Variants in IGF2BP3 observed in about 807,000 individuals in gnomAD.
IGF2BP3 encodes the protein insulin like growth factor 2 mRNA binding protein 3.
In IGF2BP3, 9 loss-of-function variants were observed where a neutral mutation model predicts 73.8. The observed-to-expected ratio is 0.12, with a 90% CI of 0.07 to 0.21. IGF2BP3 has a LOEUF of 0.21. Among genes scored for constraint, IGF2BP3 ranks in the 10% least tolerant of loss-of-function variants. The probability of loss-of-function intolerance (pLI) is 1.00; values close to 1 mark genes in which losing one functional copy is unlikely to be tolerated. For synonymous variants in IGF2BP3, 258 were observed against 256.7 expected (o/e 1.01, Z -0.05); for missense variants, 542 against 714.0 (o/e 0.76, Z 2.75).
Position 23,333,427 on chromosome 7 carries a change from G to A in IGF2BP3, c.1203+8637C>T, listed in dbSNP as rs955871104. 2.4e-4 allele frequency among the ~76,000 whole-genome samples: 36 copies of A among 152,184 alleles called. 1 individual carries two copies. The highest frequency in any genetic ancestry group is 2.4e-3 in the Admixed American group (36 of 15,282). On this transcript the variant is annotated intron_variant, in intron 10 of 14. Transcript: ENST00000258729. Reference sequence around the variant, plus strand: ...TGTCTTAGCCTGGAACACGTCCAAGGCTGCTGTTGTGAGAAACAAAAACAA... The same window carrying A: ...TGTCTTAGCCTGGAACACGTCCAAGACTGCTGTTGTGAGAAACAAAAACAA...
intron 3 of IGF2BP3, among the ~76,000 whole-genome samples, chr7:23,409,333 G>GT (rs1308215948): frequency 1.3e-5 from 2 of 152,074 alleles, no homozygotes; most frequent in Non-Finnish European, 2.9e-5. Flanking sequence ...TTCCAAAAGG[G>GT]TTTTTTTGTT....
intron 2 of IGF2BP3, among the ~76,000 whole-genome samples, chr7:23,422,971 C>T (rs1176534200): frequency 6.6e-6 from 1 of 152,182 alleles, no homozygotes; most frequent in Non-Finnish European, 1.5e-5. Flanking sequence ...GATAGAGTTT[C>T]ACCACGTTGG....
intron 3 of IGF2BP3, among the ~76,000 whole-genome samples, chr7:23,369,397 C>G (rs1241788867): frequency 6.6e-6 from 1 of 152,162 alleles, no homozygotes; most frequent in Admixed American, 6.5e-5. Context: ...ACCTCATTAC[C>G]CTCTGTCTAT....
At chr7:23,447,655 AC>A (rs1175748194) in intron 2 of IGF2BP3, among the ~76,000 whole-genome samples, 2 of 151,888 alleles carry the variant, frequency 1.3e-5, no homozygotes, top group Non-Finnish European at 2.9e-5. Context: ...AAAAATGAAG[AC>A]CAAGGAACTG....
In IGF2BP3 at chr7:23,414,091, A is replaced by C. The variant is rs1472855445; in HGVS notation, c.285+4685T>G. 3.9e-5 allele frequency: 6 copies of C among 152,126 alleles called. No homozygotes were observed. The East Asian group carries it at 1.2e-3, about 29-fold the overall frequency. 9.4% of individuals were successfully genotyped at this position (152,126 alleles called of 1,614,324 possible). On this transcript the variant is annotated intron_variant, in intron 3 of 14. Coordinates refer to ENST00000258729, the MANE Select transcript of IGF2BP3 (RefSeq NM_006547.3). ...CTTGAACCCAGGAGGCAGAGGCTGC[A>C]GTGAGCCGAGATTGTGCCACTGCAC...
intron 3 of IGF2BP3, among the ~76,000 whole-genome samples, chr7:23,393,409 GAACAAATGTC>G (rs1292373518): frequency 6.6e-6 from 1 of 152,116 alleles, no homozygotes; most frequent in African/African-American, 2.4e-5. Context: ...TCTATTCACT[GAACAAATGTC>G]AACAAATGTC....
Position 23,310,788 on chromosome 7 carries a change from G to A in IGF2BP3, c.*1574C>T, listed in dbSNP as rs1419319243. 6.8e-6 allele frequency: 1 copy of A among 147,630 alleles called. No individual in the cohort carries two copies. The highest frequency in any genetic ancestry group is 1.5e-5 in the Non-Finnish European group (1 of 67,888). The allele number at this position is 147,630 out of a possible 1,614,324, so 9.1% of individuals were successfully genotyped here. On this transcript the variant is annotated 3_prime_UTR_variant, in exon 15 of 15. Transcript: ENST00000258729. ...CATCTTGAAATAAGAATGAGGCAGT[G>A]ATTTTTTTTTTAAAGGGTTATATAT...
Position 23,379,879 on chromosome 7 carries a change from T to C in IGF2BP3, c.286-18138A>G, listed in dbSNP as rs371945393. 1.5e-4 allele frequency among the ~76,000 whole-genome samples: 23 copies of C among 152,302 alleles called. 1 individual carries two copies. The highest frequency in any genetic ancestry group is 9.2e-4 in the Admixed American group (14 of 15,290). ...AAAATATACATCCATGCACTGGCTA[T>C]ACACGGGGCAATTCCATGCATCTCT... On this transcript the variant is annotated intron_variant, in intron 3 of 14. Coordinates refer to ENST00000258729, the MANE Select transcript of IGF2BP3 (RefSeq NM_006547.3).
intron 14 of IGF2BP3, 104 bp downstream of exon 14, chr7:23,312,631 T>G (rs948739474): frequency 6.3e-6 from 6 of 955,258 alleles, no homozygotes; most frequent in South Asian, 1.4e-5. Flanking sequence ...ATGAAAAGTC[T>G]TAAGCATCAA....
In IGF2BP3 at chr7:23,469,025, G is replaced by A. The variant is rs1433256701; in HGVS notation, c.176-483C>T. Among the ~76,000 whole-genome samples the A allele has an allele frequency of 1.3e-5, 2 of 152,246 alleles. No homozygotes were observed. Among genetic ancestry groups the A allele is most frequent in the Non-Finnish European group, 1.5e-5 (1 of 68,040 alleles). Reference sequence around the variant, plus strand: ...GGAGTGGCGAGAAAGGGTCGGGGACGGCAGGGGAGACCACGAACGGGAGAA... The same window carrying A: ...GGAGTGGCGAGAAAGGGTCGGGGACAGCAGGGGAGACCACGAACGGGAGAA... On this transcript the variant is annotated intron_variant, in intron 1 of 14. Coordinates refer to ENST00000258729, the MANE Select transcript of IGF2BP3 (RefSeq NM_006547.3). This position sits in a 1 kb window ranked among gnomAD's most constrained non-coding sequence, Gnocchi z 6.1.
intron 3 of IGF2BP3, among the ~76,000 whole-genome samples, chr7:23,412,979 C>T (rs1787076383): frequency 1.4e-5 from 2 of 148,104 alleles, no homozygotes; most frequent in South Asian, 2.2e-4. Flanking sequence ...CCTGACTCAA[C>T]CTCCTGAGTA....
chr7:23,399,346 A>G (rs563564031), intron 3 of IGF2BP3, among the ~76,000 whole-genome samples: 2 of 152,094 alleles, frequency 1.3e-5, no homozygotes, highest in African/African-American at 4.8e-5. Flanking sequence ...ATACATATGT[A>G]ACCTGCACAT....
intron 2 of IGF2BP3, among the ~76,000 whole-genome samples, chr7:23,461,283 C>T (rs1788445792): frequency 1.3e-5 from 2 of 152,148 alleles, no homozygotes; most frequent in African/African-American, 4.8e-5. Context: ...CAGCCATAGG[C>T]TCAGTCCCTT....
chr7:23,367,450 A>T (rs1034230478), intron 3 of IGF2BP3, among the ~76,000 whole-genome samples: 1 of 152,008 alleles, frequency 6.6e-6, no homozygotes, highest in Non-Finnish European at 1.5e-5. Context: ...AAAGGCCAAA[A>T]AAAAAACCAC....
Position 23,311,420 on chromosome 7 carries a change from GAA to G in IGF2BP3, c.*940_*941del, listed in dbSNP as rs1783825347. ...CAATCATGTAGCTAAACAAAAAACT[GAA>G]GTCTCCTGAAGCCATTTAAACCAGC... On this transcript the variant is annotated 3_prime_UTR_variant, in exon 15 of 15. Coordinates refer to ENST00000258729, the MANE Select transcript of IGF2BP3 (RefSeq NM_006547.3). 1.3e-5 allele frequency: 2 copies of G among 152,576 alleles called. No individual in the cohort carries two copies. The highest frequency in any genetic ancestry group is 2.9e-5 in the Non-Finnish European group (2 of 68,026). The allele number at this position is 152,576 out of a possible 1,614,324, so 9.5% of individuals were successfully genotyped here.
chr7:23,341,074 T>A (rs1784699295), intron 10 of IGF2BP3, among the ~76,000 whole-genome samples: 1 of 152,080 alleles, frequency 6.6e-6, no homozygotes, highest in Admixed American at 6.6e-5. Flanking sequence ...GGTCTTGAAC[T>A]CCTGACCTCG....
chr7:23,370,256 G>A (rs904213524), intron 3 of IGF2BP3, among the ~76,000 whole-genome samples: 16 of 152,186 alleles, frequency 1.1e-4, no homozygotes, highest in African/African-American at 3.9e-4. Context: ...CACTAGACTA[G>A]TGATTATTAA....
intron 2 of IGF2BP3, among the ~76,000 whole-genome samples, chr7:23,441,105 A>G (rs1330090262): frequency 6.6e-6 from 1 of 152,176 alleles, no homozygotes; most frequent in African/African-American, 2.4e-5. Context: ...CCATTTCAAG[A>G]GCCTATATAT....
intron 14 of IGF2BP3, 105 bp from the exon 15 acceptor site, chr7:23,312,565 A>G: frequency 1.0e-6 from 1 of 967,424 alleles, no homozygotes; most frequent in Admixed American, 1.9e-5. Context: ...TTGATGATTA[A>G]AGATACATAC....
Sources: gnomAD v4.1 joint callset for allele counts (sites outside exome capture counted in the v4.1 genomes callset) on GRCh38, gnomAD v4.1.1 for gene constraint, Gnocchi (gnomAD v3.1) non-coding constraint, MANE v1.5 for transcripts, NCBI Gene and HGNC (gene_info 2026-07-23, HGNC 2026-07-21) for gene names.